Variants in PLPPR5 observed in about 807,000 individuals in gnomAD.
PLPPR5 encodes the protein phospholipid phosphatase-related protein type 5.
Under a neutral mutation model 33.9 loss-of-function variants are expected in PLPPR5, and 16 were observed. The ratio of observed to expected loss-of-function variants is 0.47; its 90% CI spans 0.32 to 0.72. The LOEUF is 0.72. Among genes scored for constraint, PLPPR5 ranks in the 30% least tolerant of loss-of-function variants. The pLI is 0.03. For synonymous variants in PLPPR5, 163 were observed against 150.3 expected, an observed-to-expected ratio of 1.08 and a Z score of -0.62; for missense variants, 301 against 406.7, an observed-to-expected ratio of 0.74 and a Z score of 2.23.
intron 3 of PLPPR5, among the ~76,000 whole-genome samples, chr1:98,940,306 C>A (rs755143423): frequency 4.0e-5 from 6 of 151,810 alleles, no homozygotes; most frequent in African/African-American, 1.4e-4. Flanking sequence ...AGCTAGGAAG[C>A]AAGCTCTCTG....
At chr1:98,900,054 C>A (rs191558553) in intron 5 of PLPPR5, among the ~76,000 whole-genome samples, 1 of 152,080 alleles carries the variant, frequency 6.6e-6, no homozygotes, top group Non-Finnish European at 1.5e-5. Flanking sequence ...AATGTAAAAT[C>A]CCAACTTAAC....
intron 3 of PLPPR5, among the ~76,000 whole-genome samples, chr1:98,939,628 C>T (rs1311818675): frequency 1.3e-5 from 2 of 151,992 alleles, no homozygotes; most frequent in Non-Finnish European, 2.9e-5. Context: ...AGATGCTCTG[C>T]AAATGATGCA....
intron 3 of PLPPR5, among the ~76,000 whole-genome samples, chr1:98,930,590 C>A (rs1304189666): frequency 6.6e-6 from 1 of 152,134 alleles, no homozygotes. Context: ...GGTTTGTGAT[C>A]AGCAACAAAA....
At chr1:98,950,735 G>A (rs902524420) in intron 3 of PLPPR5, among the ~76,000 whole-genome samples, 10 of 152,314 alleles carry the variant, frequency 6.6e-5, no homozygotes, top group Non-Finnish European at 1.2e-4. Flanking sequence ...CCAGAGTGAA[G>A]TGTAGTTGAG....
Position 98,962,876 on chromosome 1 carries a change from G to A in PLPPR5, c.238-6135C>T, listed in dbSNP as rs543033183. Among the ~76,000 whole-genome samples the A allele has an allele frequency of 9.2e-5, 14 of 151,922 alleles. No individual in the cohort carries two copies. In the South Asian group the frequency reaches 2.7e-3, roughly 29 times the overall value. ...AGAGATCAGGTCTTGCTATGTTGCCGGTCTTGAACTCCTGGCCTGAAGCGA... is the reference window on the plus strand; with the variant it reads ...AGAGATCAGGTCTTGCTATGTTGCCAGTCTTGAACTCCTGGCCTGAAGCGA... On this transcript the variant is annotated intron_variant, in intron 1 of 5. Coordinates refer to ENST00000263177, the MANE Select transcript of PLPPR5 (RefSeq NM_001037317.2).
At chr1:99,004,152 C>G in intron 1 of PLPPR5, 1 of 471,192 alleles carries the variant, frequency 2.1e-6, no homozygotes, top group Non-Finnish European at 3.8e-6. Context: ...CGGATCCCCA[C>G]TCCTCACCAC....
intron 1 of PLPPR5, among the ~76,000 whole-genome samples, chr1:98,957,199 G>T: frequency 6.8e-6 from 1 of 147,702 alleles, no homozygotes. Flanking sequence ...GGTTGGGGGA[G>T]GGGGGAGGGA....
At chr1:98,901,009 G>A (rs1324944146) in intron 5 of PLPPR5, among the ~76,000 whole-genome samples, 1 of 152,032 alleles carries the variant, frequency 6.6e-6, no homozygotes, top group Non-Finnish European at 1.5e-5. Context: ...TAAAATATGT[G>A]TACTCCCAAA....
At chr1:98,923,351 AT>A (rs1363506895) in intron 3 of PLPPR5, among the ~76,000 whole-genome samples, 1 of 152,236 alleles carries the variant, frequency 6.6e-6, no homozygotes, top group African/African-American at 2.4e-5. Context: ...AGTATCTGGT[AT>A]TGATAATATA....
chr1:98,927,619 A>G (rs1169611166), intron 3 of PLPPR5, among the ~76,000 whole-genome samples: 1 of 152,176 alleles, frequency 6.6e-6, no homozygotes, highest in Non-Finnish European at 1.5e-5. Flanking sequence ...TACTAAGAGA[A>G]ATTGTTCTCC....
intron 3 of PLPPR5, among the ~76,000 whole-genome samples, chr1:98,944,844 A>T (rs1477617173): frequency 2.0e-5 from 3 of 152,204 alleles, no homozygotes; most frequent in Non-Finnish European, 2.9e-5. Context: ...TCTGGAGCTT[A>T]TGGCAGGCTC....
At chr1:98,956,781 A>C (rs763478278) in intron 1 of PLPPR5, 40 bp from the exon 2 acceptor site, 10 of 1,445,856 alleles carry the variant, frequency 6.9e-6, no homozygotes, top group Non-Finnish European at 8.4e-6. Context: ...TTAGAATTTA[A>C]CCAGTATAAA....
intron 1 of PLPPR5, among the ~76,000 whole-genome samples, chr1:98,986,482 G>A (rs1652268562): frequency 1.3e-5 from 2 of 151,734 alleles, no homozygotes; most frequent in Admixed American, 1.3e-4. Flanking sequence ...GAACAACTCT[G>A]GATGTGAGAA....
chr1:98,998,380 T>C (rs1652703160), intron 1 of PLPPR5, among the ~76,000 whole-genome samples: 1 of 152,134 alleles, frequency 6.6e-6, no homozygotes, highest in Non-Finnish European at 1.5e-5. Flanking sequence ...GTTACTGAGA[T>C]GAGACACATG....
At position 98,929,982 on chromosome 1, in the gene PLPPR5, T is replaced by C. The variant is rs939981472; in HGVS notation, c.622-7924A>G. ...AAGCTGTGTAACATCTGAAGAATTA[T>C]CTGCAAGCAAAATATATTTGATTGC... On this transcript the variant is annotated intron_variant, in intron 3 of 5. Coordinates refer to ENST00000263177, the MANE Select transcript of PLPPR5 (RefSeq NM_001037317.2). Among the ~76,000 whole-genome samples the C allele has an allele frequency of 2.6e-5, 4 of 152,228 alleles. No individual in the cohort carries two copies. The East Asian group carries it at 7.7e-4, about 29-fold the overall frequency.
intron 5 of PLPPR5, among the ~76,000 whole-genome samples, chr1:98,898,809 T>C (rs1648579295): frequency 6.6e-6 from 1 of 152,112 alleles, no homozygotes; most frequent in African/African-American, 2.4e-5. Context: ...TTTATATTGG[T>C]TCAGAGTTTT....
chr1:98,934,572 C>G (rs1272164553), intron 3 of PLPPR5, among the ~76,000 whole-genome samples: 11 of 152,136 alleles, frequency 7.2e-5, no homozygotes, highest in Admixed American at 7.2e-4. Context: ...ATAGGGAAGT[C>G]TGTTGCTGCT....
chr1:98,906,580 T>C (rs114598682), intron 5 of PLPPR5, among the ~76,000 whole-genome samples: 2,057 of 152,228 alleles, frequency 0.014, 18 homozygotes, highest in Non-Finnish European at 0.017. Flanking sequence ...ATATCAGGTC[T>C]ATTCACATGT....
chr1:98,899,827 T>C (rs1648625273), intron 5 of PLPPR5, among the ~76,000 whole-genome samples: 1 of 152,060 alleles, frequency 6.6e-6, no homozygotes. Context: ...CCCAGCTAAT[T>C]GTTTGTTTCA....
Sources: allele counts gnomAD v4.1 joint callset (sites outside exome capture counted in the v4.1 genomes callset), GRCh38; gene constraint gnomAD v4.1.1; transcripts MANE v1.5; gene names NCBI Gene and HGNC (gene_info 2026-07-23, HGNC 2026-07-21).